The following MOB1A variants were observed in gnomAD, a reference collection of about 807,000 sequenced individuals.
The protein encoded by MOB1A is MOB kinase activator 1A.
Under a neutral mutation model 25.1 loss-of-function variants are expected in MOB1A, and 10 were observed. That is an observed-to-expected ratio of 0.40 (90% CI 0.25 to 0.68). MOB1A has a LOEUF of 0.68. Ranked by LOEUF, MOB1A falls within the 30% of genes least tolerant of loss-of-function variation. The pLI is 0.40. For synonymous variants in MOB1A, 81 were observed against 79.5 expected (o/e 1.02, Z -0.10); for missense variants, 177 against 256.3 (o/e 0.69, Z 2.11).
chr2:74,167,622 C>G (rs1443841540), intron 2 of MOB1A, among the ~76,000 whole-genome samples: 1 of 152,090 alleles, frequency 6.6e-6, no homozygotes, highest in Non-Finnish European at 1.5e-5. Flanking sequence ...CACTTTGGAC[C>G]AGATAATACC....
intron 2 of MOB1A, 78 bp from the exon 3 acceptor site, chr2:74,167,185 C>T (rs1376750753): frequency 1.8e-5 from 20 of 1,083,918 alleles, no homozygotes; most frequent in Non-Finnish European, 2.4e-5. Context: ...GAAAAACAGA[C>T]AATACATTTA....
chr2:74,155,430 CACAT>C lies in MOB1A; in HGVS notation c.*1134_*1137del, dbSNP rs1572951191. The C allele has an allele frequency of 1.3e-5, 2 of 152,494 alleles. No homozygotes were observed. Among genetic ancestry groups the C allele is most frequent in the East Asian group, 3.8e-4 (2 of 5,208 alleles). The allele number at this position is 152,494 out of a possible 1,614,324, so 9.4% of individuals were successfully genotyped here. On this transcript the variant is annotated 3_prime_UTR_variant, in exon 6 of 6. Transcript: ENST00000396049. Reference sequence around the variant, plus strand: ...TTTCTCCCATTTTGTTTCCTTTAAACACATACACTCACTCACTCTCTCAAGAATA... The same window carrying C: ...TTTCTCCCATTTTGTTTCCTTTAAACACACTCACTCACTCTCTCAAGAATA...
chr2:74,167,261 CT>C (rs896801329), intron 2 of MOB1A, among the ~76,000 whole-genome samples, 154 bp from the exon 3 acceptor site: 33 of 150,394 alleles, frequency 2.2e-4, no homozygotes, highest in African/African-American at 7.5e-4. Flanking sequence ...GTATACTACA[CT>C]TTTTTTTTTC....
chr2:74,178,778 A>T lies in MOB1A; in HGVS notation c.-104T>A. ...CCGTCCTTAGCTCACGGGCAGCGGA[A>T]GCCGGGCCGCCGCCGCTCGGAGCCG... On this transcript the variant is annotated 5_prime_UTR_variant, in exon 1 of 6. Coordinates refer to ENST00000396049, the MANE Select transcript of MOB1A (RefSeq NM_018221.5). The T allele has an allele frequency of 1.3e-5, 4 of 318,644 alleles. No homozygotes were observed. The highest frequency in any genetic ancestry group is 1.0e-5 in the Non-Finnish European group (2 of 196,854). 19.7% of individuals were successfully genotyped at this position (318,644 alleles called of 1,614,324 possible).
chr2:74,163,629 C>T (rs1017229118), intron 4 of MOB1A, among the ~76,000 whole-genome samples: 2 of 151,882 alleles, frequency 1.3e-5, no homozygotes, highest in African/African-American at 4.8e-5. Context: ...CAGAGTGAGA[C>T]CCTGTCTCAA....
At chr2:74,156,887 G>A (rs1692821340) in intron 5 of MOB1A, among the ~76,000 whole-genome samples, 2 of 151,432 alleles carry the variant, frequency 1.3e-5, no homozygotes, top group African/African-American at 2.4e-5. Flanking sequence ...TGCCCACCTT[G>A]GCATCCCAAA....
At chr2:74,172,439 C>T (rs902892985) in intron 2 of MOB1A, 147 bp downstream of exon 2, 2 of 777,304 alleles carry the variant, frequency 2.6e-6, no homozygotes, top group Admixed American at 6.0e-5. Context: ...AAAAGAGCAA[C>T]ATAGCTTTGG....
At chr2:74,169,780 C>T (rs576053306) in intron 2 of MOB1A, among the ~76,000 whole-genome samples, 10 of 151,990 alleles carry the variant, frequency 6.6e-5, no homozygotes, top group Admixed American at 6.5e-4. Context: ...AGGTGTGTGC[C>T]ACCACACCCA....
intron 4 of MOB1A, among the ~76,000 whole-genome samples, chr2:74,161,878 G>A (rs778929310): frequency 3.7e-4 from 56 of 151,468 alleles, no homozygotes; most frequent in Admixed American, 5.9e-4. Context: ...GACCACTTGC[G>A]CCTGGGAGGT....
In MOB1A at chr2:74,154,966, A is replaced by G. The variant is rs1692762239; in HGVS notation, c.*1602T>C. The G allele has an allele frequency of 6.6e-6, 1 of 152,230 alleles. No individual in the cohort carries two copies. Among genetic ancestry groups the G allele is most frequent in the Non-Finnish European group, 1.5e-5 (1 of 68,044 alleles). The allele number at this position is 152,230 out of a possible 1,614,324, so 9.4% of individuals were successfully genotyped here. On this transcript the variant is annotated 3_prime_UTR_variant, in exon 6 of 6. Coordinates refer to ENST00000396049, the MANE Select transcript of MOB1A (RefSeq NM_018221.5). ...TGTATATATTTAAGAATTTCTAGGA[A>G]ATGATTATTTAAAATGGAGTTTCTA...
intron 4 of MOB1A, among the ~76,000 whole-genome samples, chr2:74,163,780 A>G (rs1018576376): frequency 6.6e-6 from 1 of 152,254 alleles, no homozygotes; most frequent in Non-Finnish European, 1.5e-5. Flanking sequence ...TAAACTACAG[A>G]ATTTTACAAG....
intron 4 of MOB1A, among the ~76,000 whole-genome samples, chr2:74,161,648 CAA>C (rs775202170): frequency 1.5e-4 from 15 of 101,998 alleles, no homozygotes; most frequent in Non-Finnish European, 1.2e-4. Context: ...GACTCCGCCT[CAA>C]AAAAAAAAAA....
At chr2:74,175,476 A>G (rs949270770) in intron 1 of MOB1A, among the ~76,000 whole-genome samples, 7 of 152,224 alleles carry the variant, frequency 4.6e-5, no homozygotes, top group African/African-American at 1.7e-4. Context: ...CAGAGAAACT[A>G]GTATTTTAAT....
At chr2:74,172,456 T>G (rs1384572989) in intron 2 of MOB1A, 130 bp downstream of exon 2, 1 of 882,554 alleles carries the variant, frequency 1.1e-6, no homozygotes, top group Non-Finnish European at 1.7e-6. Context: ...TTGGATGTAT[T>G]TGTACTTAAT....
At chr2:74,170,493 G>A (rs1693258929) in intron 2 of MOB1A, among the ~76,000 whole-genome samples, 1 of 151,810 alleles carries the variant, frequency 6.6e-6, no homozygotes, top group Non-Finnish European at 1.5e-5. Flanking sequence ...CCAGCACTTT[G>A]GGAGGCCATG....
At chr2:74,176,334 A>C (rs1334583330) in intron 1 of MOB1A, among the ~76,000 whole-genome samples, 1 of 150,504 alleles carries the variant, frequency 6.6e-6, no homozygotes, top group African/African-American at 2.5e-5. Context: ...ACTAAAAATC[A>C]TATCTGAAAA....
intron 1 of MOB1A, among the ~76,000 whole-genome samples, chr2:74,177,387 G>C (rs1260856407): frequency 6.6e-6 from 1 of 152,044 alleles, no homozygotes; most frequent in Non-Finnish European, 1.5e-5. Flanking sequence ...CTCGTATTAA[G>C]GTCCACAAAG....
chr2:74,167,354 TC>T (rs1215672969), intron 2 of MOB1A, among the ~76,000 whole-genome samples: 1 of 152,166 alleles, frequency 6.6e-6, no homozygotes. Flanking sequence ...CAAGCAATTC[TC>T]CTGCCTCAGC....
At chr2:74,166,313 ATAATC>A (rs1693127255) in intron 3 of MOB1A, among the ~76,000 whole-genome samples, 1 of 152,226 alleles carries the variant, frequency 6.6e-6, no homozygotes, top group South Asian at 2.1e-4. Flanking sequence ...ACAAGAAAAA[ATAATC>A]AAATATTAAA....
Sources: allele counts gnomAD v4.1 joint callset (sites outside exome capture counted in the v4.1 genomes callset), GRCh38; gene constraint gnomAD v4.1.1; transcripts MANE v1.5; gene names NCBI Gene and HGNC (gene_info 2026-07-23, HGNC 2026-07-21).